The following TPTE variants were observed in gnomAD, a reference collection of about 807,000 sequenced individuals.
TPTE encodes transmembrane phosphatase with tensin homology.
In TPTE, 59 loss-of-function variants were observed where a neutral mutation model predicts 84.1. The observed-to-expected ratio is 0.70, with a 90% CI of 0.57 to 0.87. The LOEUF is 0.87. Ranked by LOEUF, TPTE falls within the 40% of genes least tolerant of loss-of-function variation. The pLI is 0.00. For missense variants in TPTE, 382 were observed against 659.6 expected (o/e 0.58, Z 4.61); for synonymous variants, 130 against 223.5 (o/e 0.58, Z 3.73).
chr21:10,560,043 T>C (rs1234444168), intron 9 of TPTE, among the ~76,000 whole-genome samples: 1 of 152,306 alleles, frequency 6.6e-6, no homozygotes, highest in African/African-American at 2.4e-5. Flanking sequence ...CCATCTAATG[T>C]AATCTAATTT....
At chr21:10,579,174 C>T (rs1173192086) in intron 17 of TPTE, among the ~76,000 whole-genome samples, 1 of 152,304 alleles carries the variant, frequency 6.6e-6, no homozygotes, top group Admixed American at 6.5e-5. Flanking sequence ...CTATGTTGTA[C>T]AATAAATTTC....
intron 8 of TPTE, among the ~76,000 whole-genome samples, chr21:10,556,974 T>A (rs572427392): frequency 1.3e-5 from 2 of 152,310 alleles, no homozygotes; most frequent in Non-Finnish European, 2.9e-5. Context: ...TTCCAAAAAT[T>A]TTCTCCCATT....
rs2074998384 is a variant in TPTE, at chr21:10,569,528, AG to A, written c.659del (p.Arg220LysfsTer18). ...AAAAAGACAACTTGAAAAGCTGATA[AG>A]AAGGCGGGTAAGTGGGCAAAACATG... Reference protein sequence around the residue: ...HQKRQLEKLIRRRVSENKRRY... With the variant: ...HQKRQLEKLIXRRVSENKRRY... On this transcript the variant is annotated frameshift_variant, in exon 12 of 24. Transcript: ENST00000618007. LOFTEE classifies it high-confidence loss of function. 325 of 564,014 alleles carry A rather than the reference AG, an allele frequency of 5.8e-4. No individual in the cohort carries two copies. The African/African-American group carries it at 0.013, about 22-fold the overall frequency. The allele number at this position is 564,014 out of a possible 1,614,324, so 34.9% of individuals were successfully genotyped here. A position where few individuals can be genotyped will look rare whatever the true frequency, so the allele number is the denominator to read the frequency against.
intron 9 of TPTE, among the ~76,000 whole-genome samples, chr21:10,560,325 A>ATAT: frequency 6.6e-6 from 1 of 152,308 alleles, no homozygotes; most frequent in Non-Finnish European, 1.5e-5. Flanking sequence ...ATACGATATA[A>ATAT]TTGTTTCCTT....
chr21:10,603,345 A>G (rs2145811925), intron 22 of TPTE, among the ~76,000 whole-genome samples: 1 of 152,430 alleles, frequency 6.6e-6, no homozygotes, highest in African/African-American at 2.4e-5. Context: ...CTATTCCTTG[A>G]AAATTTTGAT....
chr21:10,551,153 A>C (rs1310863973), intron 7 of TPTE, among the ~76,000 whole-genome samples: 2 of 152,306 alleles, frequency 1.3e-5, no homozygotes, highest in African/African-American at 2.4e-5. Context: ...AAAGGACATG[A>C]ACTCATCATT....
At chr21:10,549,705 G>A (rs143225625) in intron 7 of TPTE, among the ~76,000 whole-genome samples, 584 of 152,176 alleles carry the variant, frequency 3.8e-3, no homozygotes, top group African/African-American at 0.013. Flanking sequence ...CCATTAATTT[G>A]GTCAAATATT....
At chr21:10,539,760 C>T (rs1200563406) in intron 4 of TPTE, among the ~76,000 whole-genome samples, 8 of 152,304 alleles carry the variant, frequency 5.3e-5, no homozygotes, top group African/African-American at 1.9e-4. Context: ...GCCTGTAGTC[C>T]TAGCACTTTG....
chr21:10,573,535 ATAATT>A (rs1282656464), intron 14 of TPTE, among the ~76,000 whole-genome samples: 30 of 152,362 alleles, frequency 2.0e-4, no homozygotes, highest in Non-Finnish European at 3.8e-4. Context: ...ACAGTTAACA[ATAATT>A]TATTGTATAT....
At chr21:10,553,605 G>T (rs1186856615) in intron 8 of TPTE, among the ~76,000 whole-genome samples, 7 of 152,422 alleles carry the variant, frequency 4.6e-5, no homozygotes, top group African/African-American at 1.7e-4. Flanking sequence ...AATAAAGCAG[G>T]TTTTCATTTT....
chr21:10,600,682 G>C (rs1254678323), intron 21 of TPTE, among the ~76,000 whole-genome samples: 270 of 151,882 alleles, frequency 1.8e-3, no homozygotes, highest in African/African-American at 6.4e-3. Context: ...TTTCTTAAGT[G>C]TACAGCTCCC....
chr21:10,526,686 T>C (rs1485629905), intron 2 of TPTE, among the ~76,000 whole-genome samples: 19 of 152,304 alleles, frequency 1.2e-4, no homozygotes, highest in African/African-American at 4.3e-4. Flanking sequence ...TAAAAATGTG[T>C]ATCCGTTTAT....
At chr21:10,539,472 G>C (rs567085965) in intron 4 of TPTE, among the ~76,000 whole-genome samples, 293 of 152,266 alleles carry the variant, frequency 1.9e-3, no homozygotes, top group African/African-American at 6.7e-3. Context: ...CCATAGATGG[G>C]ATTAGGAGGA....
intron 7 of TPTE, among the ~76,000 whole-genome samples, chr21:10,544,338 AT>A (rs1176151563): frequency 6.6e-6 from 1 of 152,310 alleles, no homozygotes; most frequent in Non-Finnish European, 1.5e-5. Flanking sequence ...TTTTAAAAGA[AT>A]TTATTTTATA....
At chr21:10,605,357 A>T (rs1284954290) in intron 23 of TPTE, 60 bp from the exon 24 acceptor site, 1 of 1,591,746 alleles carries the variant, frequency 6.3e-7, no homozygotes, top group Non-Finnish European at 8.6e-7. Flanking sequence ...GTGGGTACCC[A>T]ACTGTGTGGC....
At chr21:10,604,262 C>T (rs1978990193) in intron 23 of TPTE, among the ~76,000 whole-genome samples, 1 of 152,310 alleles carries the variant, frequency 6.6e-6, no homozygotes, top group African/African-American at 2.4e-5. Context: ...TATTTGGAAA[C>T]TCATTTCTCA....
intron 3 of TPTE, among the ~76,000 whole-genome samples, chr21:10,530,011 A>G (rs1211940514): frequency 6.6e-6 from 1 of 152,310 alleles, no homozygotes; most frequent in Non-Finnish European, 1.5e-5. Context: ...TATTACTATG[A>G]ACTTATAAAT....
At chr21:10,576,013 G>A (rs2075142609) in intron 14 of TPTE, among the ~76,000 whole-genome samples, 2 of 152,310 alleles carry the variant, frequency 1.3e-5, no homozygotes, top group African/African-American at 4.8e-5. Context: ...GGAAGACAGT[G>A]TGGCAATTCC....
chr21:10,540,618 T>C (rs2145614307), intron 4 of TPTE: 2 of 518,586 alleles, frequency 3.9e-6, no homozygotes, highest in South Asian at 2.8e-5. Flanking sequence ...CCTCCAGAGC[T>C]CTACCGTTAT....
Sources: gnomAD v4.1 joint callset for allele counts (sites outside exome capture counted in the v4.1 genomes callset) on GRCh38, gnomAD v4.1.1 for gene constraint, MANE v1.5 for transcripts, NCBI Gene and HGNC (gene_info 2026-07-23, HGNC 2026-07-21) for gene names.